SNX24: variants seen among roughly 807,000 people sequenced by gnomAD.
SNX24 encodes the protein sorting nexin 24.
In SNX24, 22 loss-of-function variants were observed where a neutral mutation model predicts 28.7. The ratio of observed to expected loss-of-function variants is 0.77; its 90% CI spans 0.55 to 1.10. The LOEUF (loss-of-function observed/expected upper bound fraction) is 1.10. SNX24 is among the 50% of genes least tolerant of loss of function. The pLI is 0.00. For missense variants in SNX24, 221 were observed against 201.1 expected (o/e 1.10, Z -0.60); for synonymous variants, 69 against 71.5 (o/e 0.96, Z 0.18).
chr5:122,997,230 C>T (rs1032091304), intron 3 of SNX24, among the ~76,000 whole-genome samples: 1 of 152,198 alleles, frequency 6.6e-6, no homozygotes, highest in African/African-American at 2.4e-5. Context: ...TATTCCTGCC[C>T]ACATAACTAA....
At chr5:122,954,511 A>G (rs1049356057) in intron 3 of SNX24, among the ~76,000 whole-genome samples, 2 of 151,636 alleles carry the variant, frequency 1.3e-5, no homozygotes, top group African/African-American at 4.8e-5. Context: ...TTGGTGACCA[A>G]TACTGTTTTT....
At chr5:123,021,763 G>A (rs6886012) in intron 5 of SNX24, among the ~76,000 whole-genome samples, 2,678 of 152,240 alleles carry the variant, frequency 0.018, 31 homozygotes, top group Non-Finnish European at 0.028. Flanking sequence ...TCCAGTCTCA[G>A]CCTTACCTCT....
intron 1 of SNX24, among the ~76,000 whole-genome samples, chr5:122,887,162 A>G (rs1418305388): frequency 6.6e-6 from 1 of 152,340 alleles, no homozygotes; most frequent in Middle Eastern, 3.4e-3. Context: ...TTAGACAGTT[A>G]TCCTAACTGT....
intron 5 of SNX24, chr5:123,028,385 G>A (rs549646913): frequency 7.1e-5 from 12 of 168,148 alleles, no homozygotes; most frequent in South Asian, 6.0e-4. Context: ...CATGAGGCCC[G>A]TCTTCCTCCT....
At chr5:122,899,887 TCA>T (rs1427421136) in intron 1 of SNX24, among the ~76,000 whole-genome samples, 1 of 152,192 alleles carries the variant, frequency 6.6e-6, no homozygotes, top group African/African-American at 2.4e-5. Flanking sequence ...ACTGATTAAC[TCA>T]CAGGTGGAAA....
At chr5:123,023,636 G>T in intron 5 of SNX24, 1 of 399,990 alleles carries the variant, frequency 2.5e-6, no homozygotes, top group Non-Finnish European at 3.9e-6. Flanking sequence ...TTTTAAAATA[G>T]CACCACTTGA....
intron 1 of SNX24, among the ~76,000 whole-genome samples, chr5:122,906,037 A>G (rs566234909): frequency 1.3e-4 from 20 of 152,374 alleles, no homozygotes; most frequent in Middle Eastern, 3.4e-3. Context: ...TAAAACAACC[A>G]CAAGCACTTC....
chr5:122,983,898 G>A (rs562042862), intron 3 of SNX24, among the ~76,000 whole-genome samples: 2 of 152,270 alleles, frequency 1.3e-5, no homozygotes, highest in African/African-American at 2.4e-5. Flanking sequence ...TTGAAAAGGT[G>A]TACTTTTAGG....
chr5:123,000,137 A>C, intron 4 of SNX24, 131 bp downstream of exon 4: 1 of 665,102 alleles, frequency 1.5e-6, no homozygotes, highest in Non-Finnish European at 2.7e-6. Context: ...TTGCTGCAGC[A>C]CTCGCTCGCC....
intron 1 of SNX24, among the ~76,000 whole-genome samples, chr5:122,904,121 C>T (rs1757548759): frequency 6.6e-6 from 1 of 151,796 alleles, no homozygotes; most frequent in East Asian, 1.9e-4. Context: ...GCAAGAGAAG[C>T]TTGAGAATGA....
At chr5:122,908,058 TC>T (rs1178539170) in intron 1 of SNX24, among the ~76,000 whole-genome samples, 5 of 152,226 alleles carry the variant, frequency 3.3e-5, no homozygotes, top group Non-Finnish European at 7.3e-5. Context: ...AAATAGATTG[TC>T]CTCATCACCA....
chr5:122,942,891 C>G (rs924959073), intron 2 of SNX24, among the ~76,000 whole-genome samples: 2 of 152,174 alleles, frequency 1.3e-5, no homozygotes, highest in Non-Finnish European at 2.9e-5. Context: ...TACGCTTCCT[C>G]AGTACTCCTG....
intron 1 of SNX24, among the ~76,000 whole-genome samples, chr5:122,922,697 T>C (rs935402919): frequency 6.6e-6 from 1 of 152,170 alleles, no homozygotes; most frequent in African/African-American, 2.4e-5. Context: ...AAATTACAAT[T>C]TTTCCCCCAG....
At chr5:122,937,123 A>G (rs17149757) in intron 2 of SNX24, among the ~76,000 whole-genome samples, 3,721 of 152,312 alleles carry the variant, frequency 0.024, 140 homozygotes, top group African/African-American at 0.071. Flanking sequence ...TGTTTTATCC[A>G]TGAAATGCAC....
intron 1 of SNX24, among the ~76,000 whole-genome samples, chr5:122,856,354 T>A (rs1055262376): frequency 6.6e-6 from 1 of 152,200 alleles, no homozygotes; most frequent in Non-Finnish European, 1.5e-5. Context: ...GTACCGAGAT[T>A]TCTTTATCCA....
At position 122,848,226 on chromosome 5, in the gene SNX24, T is replaced by C. The variant is rs993569553; in HGVS notation, c.60+2533T>C. 1.4e-4 allele frequency among the ~76,000 whole-genome samples: 22 copies of C among 152,268 alleles called. 1 individual carries two copies. The highest frequency in any genetic ancestry group is 5.1e-4 in the African/African-American group (21 of 41,560). ...CAAGTGATCCTTCCCCCTTGGCCTC[T>C]TGAGTAGCACAGGCATAAATCACCA... is the stretch of plus-strand genomic sequence containing the variant. On this transcript the variant is annotated intron_variant, in intron 1 of 6. Transcript: ENST00000261369.
chr5:122,914,994 A>G (rs551737321), intron 1 of SNX24, among the ~76,000 whole-genome samples: 1 of 152,216 alleles, frequency 6.6e-6, no homozygotes, highest in East Asian at 1.9e-4. Context: ...AGTGCTACTA[A>G]CAGATGCACG....
intron 1 of SNX24, among the ~76,000 whole-genome samples, chr5:122,879,747 C>A (rs955323924): frequency 1.3e-5 from 2 of 152,172 alleles, no homozygotes; most frequent in South Asian, 4.1e-4. Flanking sequence ...TCTTAAACTC[C>A]TGGGCTCAAG....
At chr5:122,914,290 C>A (rs1302619518) in intron 1 of SNX24, among the ~76,000 whole-genome samples, 1 of 152,192 alleles carries the variant, frequency 6.6e-6, no homozygotes, top group African/African-American at 2.4e-5. Flanking sequence ...TTGCTGGATT[C>A]GGTTTGCCAG....
Sources: allele counts gnomAD v4.1 joint callset (sites outside exome capture counted in the v4.1 genomes callset), GRCh38; gene constraint gnomAD v4.1.1; transcripts MANE v1.5; gene names NCBI Gene and HGNC (gene_info 2026-07-23, HGNC 2026-07-21).